SHC4: variants seen among roughly 807,000 people sequenced by gnomAD.
SHC4 encodes SHC-transforming protein 4.
Under a neutral mutation model 69.4 loss-of-function variants are expected in SHC4, and 41 were observed. The observed-to-expected ratio is 0.59, with a 90% CI of 0.46 to 0.77. The LOEUF (loss-of-function observed/expected upper bound fraction) is 0.77, where lower values mean the gene tolerates loss of function less well. Ranked by LOEUF, SHC4 falls within the 30% of genes least tolerant of loss-of-function variation. SHC4 has a pLI of 0.00. For synonymous variants in SHC4, 318 were observed against 299.3 expected (o/e 1.06, Z -0.64); for missense variants, 777 against 783.8 (o/e 0.99, Z 0.10).
chr15:48,911,486 C>T (rs1048491265), intron 2 of SHC4, among the ~76,000 whole-genome samples: 3 of 152,130 alleles, frequency 2.0e-5, no homozygotes, highest in African/African-American at 7.2e-5. Flanking sequence ...CTAAAGGCAG[C>T]AGATATTTGG....
chr15:48,850,144 A>G (rs965018879), intron 9 of SHC4, among the ~76,000 whole-genome samples: 3 of 152,212 alleles, frequency 2.0e-5, no homozygotes, highest in African/African-American at 4.8e-5. Context: ...CTGAGGTTGC[A>G]GTGAGCCGAG....
chr15:48,939,568 C>T (rs1319681836), intron 1 of SHC4, among the ~76,000 whole-genome samples: 2 of 152,186 alleles, frequency 1.3e-5, no homozygotes, highest in Non-Finnish European at 2.9e-5. Flanking sequence ...TTCTCATTTT[C>T]CCTTTTGTTC....
intron 6 of SHC4, among the ~76,000 whole-genome samples, chr15:48,860,605 T>C (rs767951894): frequency 1.9e-4 from 29 of 152,170 alleles, no homozygotes; most frequent in Non-Finnish European, 3.4e-4. Flanking sequence ...TATTTTTTCT[T>C]AGGATTGAGG....
At chr15:48,943,730 A>T (rs145927319) in intron 1 of SHC4, among the ~76,000 whole-genome samples, 156 of 152,212 alleles carry the variant, frequency 1.0e-3, no homozygotes, top group African/African-American at 3.5e-3. Flanking sequence ...AGTGCACAAA[A>T]GTTCCCTGTT....
intron 1 of SHC4, among the ~76,000 whole-genome samples, chr15:48,940,278 G>A (rs771324283): frequency 2.0e-5 from 3 of 152,128 alleles, no homozygotes; most frequent in Non-Finnish European, 4.4e-5. Flanking sequence ...GGTCTCTCCT[G>A]CCAACACATA....
chr15:48,842,718 C>A (rs1035077408), intron 10 of SHC4, among the ~76,000 whole-genome samples: 11 of 152,094 alleles, frequency 7.2e-5, no homozygotes, highest in Non-Finnish European at 1.5e-4. Flanking sequence ...GGCATGGGCC[C>A]AGGAGTTTTG....
rs1014989578 is a variant in SHC4, at chr15:48,877,490, A to G, written c.841-5348T>C. ...AACAGGTAAAACATGTTTTTAAAAA[A>G]CACACAAAATAGTATTTTGCTGTCA... On this transcript the variant is annotated intron_variant, in intron 4 of 11. Coordinates refer to ENST00000332408, the MANE Select transcript of SHC4 (RefSeq NM_203349.4). 45 of 984,644 alleles carry G rather than the reference A, an allele frequency of 4.6e-5. No individual in the cohort carries two copies. The African/African-American group carries it at 7.2e-4, about 16-fold the overall frequency. 61.0% of individuals were successfully genotyped at this position (984,644 alleles called of 1,614,324 possible). A position where few individuals can be genotyped will look rare whatever the true frequency, so the allele number is the denominator to read the frequency against.
chr15:48,894,522 G>A (rs1900189530), intron 2 of SHC4, among the ~76,000 whole-genome samples: 1 of 152,136 alleles, frequency 6.6e-6, no homozygotes, highest in African/African-American at 2.4e-5. Context: ...CAATGTTCCT[G>A]TTATGGATAC....
Position 48,825,962 on chromosome 15 carries a change from T to C in SHC4, c.*9A>G, listed in dbSNP as rs1348097279. The C allele has an allele frequency of 2.5e-6, 4 of 1,612,138 alleles. No individual in the cohort carries two copies. The East Asian group carries it at 8.9e-5, about 36-fold the overall frequency. On this transcript the variant is annotated 3_prime_UTR_variant, in exon 12 of 12. Transcript: ENST00000332408. ...CTTGAAATATCAGTGTGATGGTGCT[T>C]CAATACTGTCATTTGTTGGAATGCA...
chr15:48,929,345 C>T (rs1900911383), intron 1 of SHC4, among the ~76,000 whole-genome samples: 1 of 151,938 alleles, frequency 6.6e-6, no homozygotes, highest in Non-Finnish European at 1.5e-5. Flanking sequence ...AAGACATGGG[C>T]TCTGTTCTTA....
chr15:48,873,637 A>G (rs755928928), intron 4 of SHC4, among the ~76,000 whole-genome samples: 2 of 152,162 alleles, frequency 1.3e-5, no homozygotes, highest in Non-Finnish European at 2.9e-5. Context: ...GCTACTCAGG[A>G]GTCTGAGGCA....
intron 6 of SHC4, among the ~76,000 whole-genome samples, chr15:48,864,278 T>C (rs148792676): frequency 6.6e-6 from 1 of 152,200 alleles, no homozygotes; most frequent in African/African-American, 2.4e-5. Flanking sequence ...TAAATAGTCA[T>C]CAAGTACTAT....
chr15:48,948,105 T>C (rs991718134), intron 1 of SHC4: 1 of 152,256 alleles, frequency 6.6e-6, no homozygotes, highest in African/African-American at 2.4e-5. Flanking sequence ...GCAGCCAAGA[T>C]ATCTGTTGTA....
chr15:48,949,063 C>G lies in SHC4; in HGVS notation c.585+13368G>C, dbSNP rs1314577246. On this transcript the variant is annotated intron_variant, in intron 1 of 11. Transcript: ENST00000332408. ...GCATCTCTCCCATCCCATCCTAGGCCACTTACCTCAAAACCTTAGGCAGGC... is the reference window on the plus strand; with the variant it reads ...GCATCTCTCCCATCCCATCCTAGGCGACTTACCTCAAAACCTTAGGCAGGC... Among the ~76,000 whole-genome samples the G allele has an allele frequency of 3.3e-5, 5 of 152,130 alleles. No individual in the cohort carries two copies. In the East Asian group the frequency reaches 9.7e-4, roughly 30 times the overall value.
At chr15:48,909,518 C>T (rs1900469692) in intron 2 of SHC4, among the ~76,000 whole-genome samples, 1 of 152,068 alleles carries the variant, frequency 6.6e-6, no homozygotes, top group African/African-American at 2.4e-5. Context: ...AGTTTGACTT[C>T]CTCTTTACTG....
Position 48,963,295 on chromosome 15 carries a change from C to A in SHC4, c.-280G>T. On this transcript the variant is annotated 5_prime_UTR_variant, in exon 1 of 12. Transcript: ENST00000332408. The stretch of plus-strand genomic sequence containing the variant: ...CTTGTCGGGAGAGCCTAGACCCAGG[C>A]TCCCGGCGGCGCGGGTCGCTCACGG... The A allele has an allele frequency of 2.7e-6, 1 of 374,360 alleles. No individual in the cohort carries two copies. The highest frequency in any genetic ancestry group is 7.8e-5 in the South Asian group (1 of 12,812). 23.2% of individuals were successfully genotyped at this position (374,360 alleles called of 1,614,324 possible). A position where few individuals can be genotyped will look rare whatever the true frequency, so the allele number is the denominator to read the frequency against.
At chr15:48,942,368 G>A (rs1174929460) in intron 1 of SHC4, among the ~76,000 whole-genome samples, 1 of 151,980 alleles carries the variant, frequency 6.6e-6, no homozygotes, top group African/African-American at 2.4e-5. Flanking sequence ...ATCGAACATA[G>A]ATTTTTGAAT....
intron 9 of SHC4, among the ~76,000 whole-genome samples, chr15:48,848,782 C>T (rs938535189): frequency 5.3e-5 from 8 of 152,064 alleles, no homozygotes; most frequent in African/African-American, 1.7e-4. Flanking sequence ...CTTTCATATC[C>T]ATTAATTCCT....
intron 2 of SHC4, among the ~76,000 whole-genome samples, chr15:48,906,931 G>T (rs1035329983): frequency 3.9e-5 from 6 of 152,128 alleles, no homozygotes; most frequent in African/African-American, 1.4e-4. Context: ...TACAAAATGT[G>T]CCCAACAAGT....
Sources: allele counts gnomAD v4.1 joint callset (sites outside exome capture counted in the v4.1 genomes callset), GRCh38; gene constraint gnomAD v4.1.1; transcripts MANE v1.5; gene names NCBI Gene and HGNC (gene_info 2026-07-23, HGNC 2026-07-21).